The following CELF2 variants were observed in gnomAD, a reference collection of about 807,000 sequenced individuals.
CELF2 encodes CUGBP Elav-like family member 2, also known as CUG triplet repeat RNA-binding protein 2.
In CELF2, 8 loss-of-function variants were observed where a neutral mutation model predicts 62.6. The ratio of observed to expected loss-of-function variants is 0.13; its 90% confidence interval spans 0.07 to 0.23. CELF2 has a LOEUF of 0.23. Ranked by LOEUF, CELF2 falls within the 10% of genes least tolerant of loss-of-function variation. The pLI is 1.00. For synonymous variants in CELF2, 258 were observed against 250.0 expected (o/e 1.03, Z -0.30); for missense variants, 333 against 671.0 (o/e 0.50, Z 5.56).
chr10:11,206,239 CT>C (rs1392788308), intron 2 of CELF2, among the ~76,000 whole-genome samples: 1 of 152,140 alleles, frequency 6.6e-6, no homozygotes, highest in Non-Finnish European at 1.5e-5. Flanking sequence ...GAAGTGGAGA[CT>C]TGAGAGATCG....
intron 2 of CELF2, among the ~76,000 whole-genome samples, chr10:11,210,800 G>A (rs1281053069): frequency 6.6e-6 from 1 of 152,144 alleles, no homozygotes; most frequent in Admixed American, 6.5e-5. Flanking sequence ...CAGCTGACGA[G>A]CCAGTGTTTC....
intron 3 of CELF2, among the ~76,000 whole-genome samples, chr10:11,222,090 G>T (rs891908329): frequency 2.0e-5 from 3 of 152,160 alleles, no homozygotes. Flanking sequence ...TTCCTCCCAA[G>T]CAGGCTTCAC....
chr10:10,553,035 A>G, the CELF2 span, among the ~76,000 whole-genome samples: 1 of 152,118 alleles, frequency 6.6e-6, no homozygotes, highest in Non-Finnish European at 1.5e-5. Flanking sequence ...GTCTGTTCTC[A>G]TGCTGCTAAT....
the CELF2 span, among the ~76,000 whole-genome samples, chr10:10,543,024 C>A: frequency 2.6e-5 from 4 of 152,166 alleles, no homozygotes; most frequent in African/African-American, 7.2e-5. Flanking sequence ...TCAAAGGCAT[C>A]CCCCTGGAGA....
chr10:10,539,077 A>G, the CELF2 span, among the ~76,000 whole-genome samples: 1 of 152,240 alleles, frequency 6.6e-6, no homozygotes, highest in Non-Finnish European at 1.5e-5. Flanking sequence ...TCTGATCCAC[A>G]ATCTAGTCTT....
In CELF2 at chr10:11,177,088, T is replaced by C. The variant is rs2071477048; in HGVS notation, c.271+11406T>C. On this transcript the variant is annotated intron_variant, in intron 2 of 12. Transcript: ENST00000633077. The surrounding 1 kb of genome is among the most constrained non-coding windows in gnomAD (Gnocchi z 4.8). ...AGGGTGGCTCATTTGGACGAAGTAT[T>C]GTTAAGGTGGTTATTAGAAGACTCG... Among the ~76,000 whole-genome samples the C allele has an allele frequency of 6.6e-6, 1 of 152,172 alleles. No individual in the cohort carries two copies. Among genetic ancestry groups the C allele is most frequent in the Non-Finnish European group, 1.5e-5 (1 of 68,022 alleles).
intron 2 of CELF2, among the ~76,000 whole-genome samples, chr10:10,921,746 G>A (rs760861860): frequency 6.6e-6 from 1 of 152,154 alleles, no homozygotes; most frequent in South Asian, 2.1e-4. Context: ...ATGGACGCAG[G>A]AAAGGGGTGT....
At chr10:11,070,109 T>A (rs138427829) in intron 1 of CELF2, among the ~76,000 whole-genome samples, 1 of 149,220 alleles carries the variant, frequency 6.7e-6, no homozygotes, top group African/African-American at 2.5e-5. Flanking sequence ...AATCATTCTT[T>A]AAATTCATTC....
intron 1 of CELF2, among the ~76,000 whole-genome samples, chr10:11,088,468 G>A (rs1474913484): frequency 6.6e-6 from 1 of 152,156 alleles, no homozygotes; most frequent in African/African-American, 2.4e-5. Context: ...CTAGTAAAGG[G>A]TTTATAGCAG....
At chr10:10,565,170 A>G in the CELF2 span, among the ~76,000 whole-genome samples, 1 of 152,246 alleles carries the variant, frequency 6.6e-6, no homozygotes. Flanking sequence ...CATTCAGTCA[A>G]GTGGCCCAGG....
chr10:10,787,074 A>G, the CELF2 span, among the ~76,000 whole-genome samples: 2 of 152,216 alleles, frequency 1.3e-5, no homozygotes, highest in Non-Finnish European at 2.9e-5. Flanking sequence ...CGTGTGTTAG[A>G]ACTTTAATAT....
intron 1 of CELF2, among the ~76,000 whole-genome samples, chr10:11,037,300 C>A (rs1046728709): frequency 1.3e-5 from 2 of 152,184 alleles, no homozygotes; most frequent in African/African-American, 4.8e-5. Context: ...TGGGAGAAAC[C>A]CACCCCCTTG....
At chr10:10,584,401 C>T in the CELF2 span, among the ~76,000 whole-genome samples, 4,805 of 152,246 alleles carry the variant, frequency 0.032, 157 homozygotes, top group East Asian at 0.096. Context: ...GCCTTATTTG[C>T]ACACAGTTTG....
chr10:11,263,108 G>C (rs371341635), intron 5 of CELF2, among the ~76,000 whole-genome samples: 1 of 151,898 alleles, frequency 6.6e-6, no homozygotes, highest in Admixed American at 6.6e-5. Flanking sequence ...ACAGGGCTAC[G>C]TGCTTTCCTT....
At chr10:10,523,558 AG>A in the CELF2 span, among the ~76,000 whole-genome samples, 1 of 152,218 alleles carries the variant, frequency 6.6e-6, no homozygotes, top group Non-Finnish European at 1.5e-5. Context: ...AAGACCCCTT[AG>A]ACTCTCACTG....
chr10:10,805,463 A>AT (rs1039828737), intron 1 of CELF2, among the ~76,000 whole-genome samples: 1 of 152,134 alleles, frequency 6.6e-6, no homozygotes, highest in South Asian at 2.1e-4. Context: ...ACTTTTAAAA[A>AT]TTTTTTGCAG....
intron 2 of CELF2, among the ~76,000 whole-genome samples, chr10:11,202,943 CTCTCTCTCTGTGTGTG>C (rs1344685912): frequency 1.3e-5 from 1 of 79,314 alleles, no homozygotes; most frequent in African/African-American, 5.5e-5. Context: ...CTCTCTCTCT[CTCTCTCTCTGTGTGTG>C]TGTGTGTGTG....
chr10:11,161,729 G>A (rs1392342911), intron 1 of CELF2, among the ~76,000 whole-genome samples: 1 of 152,198 alleles, frequency 6.6e-6, no homozygotes, highest in African/African-American at 2.4e-5. Context: ...GCTAGGGAGT[G>A]AAGAGAAGCA....
chr10:10,757,517 A>G, the CELF2 span, among the ~76,000 whole-genome samples: 4 of 152,224 alleles, frequency 2.6e-5, no homozygotes, highest in Non-Finnish European at 4.4e-5. Flanking sequence ...AACAATGACA[A>G]TGACACACAT....
Sources: gnomAD v4.1 joint callset for allele counts (sites outside exome capture counted in the v4.1 genomes callset) on GRCh38, gnomAD v4.1.1 for gene constraint, Gnocchi (gnomAD v3.1) non-coding constraint, MANE v1.5 for transcripts, NCBI Gene and HGNC (gene_info 2026-07-23, HGNC 2026-07-21) for gene names.